UNC13C: variants seen among roughly 807,000 people sequenced by gnomAD.
UNC13C encodes the protein unc-13 homolog C, also known as protein unc-13 homolog C.
A neutral mutation model predicts 245.4 loss-of-function variants in UNC13C; 174 were observed. The ratio of observed to expected loss-of-function variants is 0.71; its 90% CI spans 0.63 to 0.80. The LOEUF is 0.80. Among genes scored for constraint, UNC13C ranks in the 30% least tolerant of loss-of-function variants. The probability of loss-of-function intolerance (pLI) is 0.00; values close to 1 mark genes in which losing one functional copy is unlikely to be tolerated. For missense variants in UNC13C, 2,829 were observed against 2,602.9 expected (o/e 1.09, Z -1.89); for synonymous variants, 992 against 895.1 (o/e 1.11, Z -1.93).
At chr15:53,905,399 T>TATAC in the UNC13C span, among the ~76,000 whole-genome samples, 2 of 123,548 alleles carry the variant, frequency 1.6e-5, no homozygotes, top group Non-Finnish European at 3.5e-5. Context: ...TATTACTTTA[T>TATAC]ACACACACAC....
intron 4 of UNC13C, among the ~76,000 whole-genome samples, chr15:54,203,005 A>G (rs938611644): frequency 6.6e-6 from 1 of 151,972 alleles, no homozygotes; most frequent in African/African-American, 2.4e-5. Context: ...GGCTAAGGAC[A>G]TAAATATACA....
intron 30 of UNC13C, among the ~76,000 whole-genome samples, chr15:54,620,768 A>C (rs1323288684): frequency 7.1e-6 from 1 of 141,310 alleles, no homozygotes; most frequent in Non-Finnish European, 1.5e-5. Context: ...CTTGAGCAAC[A>C]GAGCAAGACC....
chr15:53,966,862 C>A, the UNC13C span, among the ~76,000 whole-genome samples: 2 of 151,978 alleles, frequency 1.3e-5, no homozygotes, highest in Non-Finnish European at 2.9e-5. Context: ...CATATTATAT[C>A]TATGTTAGAT....
chr15:54,223,816 T>A (rs1041352194), intron 4 of UNC13C, among the ~76,000 whole-genome samples: 4 of 151,990 alleles, frequency 2.6e-5, no homozygotes, highest in Non-Finnish European at 5.9e-5. Flanking sequence ...ATTTCTTGCA[T>A]CAATGTTTTG....
chr15:54,451,122 CCT>C (rs1305971536), intron 19 of UNC13C, among the ~76,000 whole-genome samples: 1 of 151,578 alleles, frequency 6.6e-6, no homozygotes, highest in East Asian at 1.9e-4. Context: ...AATATTTTTT[CCT>C]CTCCTTCTGG....
chr15:53,883,988 T>C, the UNC13C span, among the ~76,000 whole-genome samples: 2 of 152,184 alleles, frequency 1.3e-5, no homozygotes, highest in Non-Finnish European at 2.9e-5. Context: ...TTTTTCTCTC[T>C]ACTATTTCCA....
At chr15:54,233,867 C>T (rs1384035459) in intron 4 of UNC13C, among the ~76,000 whole-genome samples, 1 of 152,076 alleles carries the variant, frequency 6.6e-6, no homozygotes, top group Non-Finnish European at 1.5e-5. Context: ...ATAAGCTGAC[C>T]ATGGGCAAGA....
intron 19 of UNC13C, among the ~76,000 whole-genome samples, chr15:54,447,023 G>A (rs1284526461): frequency 6.6e-6 from 1 of 152,078 alleles, no homozygotes; most frequent in African/African-American, 2.4e-5. Context: ...TTTGTCAAAG[G>A]CCTTTTCTGC....
At chr15:54,201,400 A>T (rs1310712939) in intron 4 of UNC13C, among the ~76,000 whole-genome samples, 3 of 152,102 alleles carry the variant, frequency 2.0e-5, no homozygotes, top group Admixed American at 2.0e-4. Context: ...ATGAATATAG[A>T]TGCAAAAATC....
At chr15:54,202,937 C>G (rs2034569670) in intron 4 of UNC13C, among the ~76,000 whole-genome samples, 1 of 151,858 alleles carries the variant, frequency 6.6e-6, no homozygotes, top group Non-Finnish European at 1.5e-5. Flanking sequence ...GGACTAATAT[C>G]CAGAGTTTAC....
intron 20 of UNC13C, among the ~76,000 whole-genome samples, chr15:54,495,741 C>T (rs1361407223): frequency 6.6e-6 from 1 of 151,900 alleles, no homozygotes; most frequent in African/African-American, 2.4e-5. Context: ...GAAGCTTGTA[C>T]CACATTCATC....
intron 4 of UNC13C, among the ~76,000 whole-genome samples, chr15:54,217,587 A>C (rs1425029550): frequency 3.3e-5 from 5 of 151,950 alleles, no homozygotes; most frequent in African/African-American, 1.2e-4. Flanking sequence ...CATTCAATCA[A>C]CTTTAATTTT....
chr15:53,950,012 T>C, the UNC13C span, among the ~76,000 whole-genome samples: 10 of 152,282 alleles, frequency 6.6e-5, no homozygotes, highest in African/African-American at 2.4e-4. Context: ...AAGATAAAAA[T>C]GTCAATACAC....
intron 4 of UNC13C, among the ~76,000 whole-genome samples, chr15:54,170,178 A>G (rs1461551840): frequency 6.6e-6 from 1 of 152,116 alleles, no homozygotes; most frequent in Admixed American, 6.5e-5. Flanking sequence ...GCTTGTCTCT[A>G]TTGTGATACT....
At chr15:54,633,405 T>A (rs1566951764), downstream of UNC13C, 1 of 152,168 alleles carries the variant, frequency 6.6e-6, no homozygotes, top group Non-Finnish European at 1.5e-5. Flanking sequence ...GAGAATAAAA[T>A]TCAAAATCCA....
At chr15:54,245,994 G>A (rs1424322118) in intron 7 of UNC13C, among the ~76,000 whole-genome samples, 1 of 152,050 alleles carries the variant, frequency 6.6e-6, no homozygotes, top group Non-Finnish European at 1.5e-5. Flanking sequence ...AGGCAGACAA[G>A]CTTTGTTCAT....
intron 24 of UNC13C, among the ~76,000 whole-genome samples, chr15:54,516,740 C>A (rs928942174): frequency 6.9e-6 from 1 of 145,686 alleles, no homozygotes; most frequent in African/African-American, 2.6e-5. Context: ...GCGGAGGTTG[C>A]AGTGAGCAGA....
At chr15:54,606,558 G>A (rs1162132350) in intron 30 of UNC13C, among the ~76,000 whole-genome samples, 1 of 152,190 alleles carries the variant, frequency 6.6e-6, no homozygotes, top group Non-Finnish European at 1.5e-5. Flanking sequence ...TTCAGAGCAA[G>A]TACGCATTAG....
rs140068097 is a variant in UNC13C, at chr15:54,055,302, A to G, written c.2983+39416A>G. 2.6e-3 allele frequency among the ~76,000 whole-genome samples: 396 copies of G among 152,248 alleles called. 2 individuals are homozygous for G. Among genetic ancestry groups the G allele is most frequent in the African/African-American group, 9.1e-3 (377 of 41,554 alleles). On this transcript the variant is annotated intron_variant, in intron 2 of 32. Transcript: ENST00000260323. Reference sequence around the variant, plus strand: ...TTAGGAATTTGTCCTTGCCAACTCAATTATCATATCATATCATTAGTCTTG... The same window carrying G: ...TTAGGAATTTGTCCTTGCCAACTCAGTTATCATATCATATCATTAGTCTTG...
Sources: gnomAD v4.1 joint callset for allele counts (sites outside exome capture counted in the v4.1 genomes callset) on GRCh38, gnomAD v4.1.1 for gene constraint, MANE v1.5 for transcripts, NCBI Gene and HGNC (gene_info 2026-07-23, HGNC 2026-07-21) for gene names.